PXDNL: variants seen among roughly 807,000 people sequenced by gnomAD.
PXDNL encodes peroxidasin like.
A neutral mutation model predicts 150.8 loss-of-function variants in PXDNL; 145 were observed. The observed-to-expected ratio is 0.96, with a 90% CI of 0.84 to 1.10. PXDNL has a LOEUF of 1.10. PXDNL is among the 50% of genes least tolerant of loss of function. The probability of loss-of-function intolerance (pLI) is 0.00; values close to 1 mark genes in which losing one functional copy is unlikely to be tolerated. For missense variants in PXDNL, 2,087 were observed against 1,873.9 expected, an observed-to-expected ratio of 1.11 and a Z score of -2.10; for synonymous variants, 757 against 725.7, an observed-to-expected ratio of 1.04 and a Z score of -0.69.
intron 4 of PXDNL, among the ~76,000 whole-genome samples, chr8:51,529,694 C>T (rs1390337799): frequency 6.6e-6 from 1 of 152,182 alleles, no homozygotes; most frequent in African/African-American, 2.4e-5. Context: ...CTACTGTGAA[C>T]TCCAGATGCA....
intron 1 of PXDNL, among the ~76,000 whole-genome samples, chr8:51,688,503 A>G (rs748535145): frequency 9.9e-5 from 15 of 152,192 alleles, no homozygotes; most frequent in Non-Finnish European, 1.6e-4. Context: ...AAGTTGAACA[A>G]ACACAATTTG....
intron 3 of PXDNL, among the ~76,000 whole-genome samples, chr8:51,578,503 T>C (rs919913200): frequency 1.1e-4 from 17 of 151,982 alleles, no homozygotes. Flanking sequence ...GAGACTTACC[T>C]TGTTCATGAA....
chr8:51,704,462 T>C (rs1816321663), intron 1 of PXDNL, among the ~76,000 whole-genome samples: 1 of 152,232 alleles, frequency 6.6e-6, no homozygotes, highest in African/African-American at 2.4e-5. Context: ...TATTTCCTAG[T>C]GTCTGTGTGC....
intron 3 of PXDNL, among the ~76,000 whole-genome samples, chr8:51,566,502 C>T (rs1188483602): frequency 2.0e-5 from 3 of 151,588 alleles, no homozygotes; most frequent in Admixed American, 6.6e-5. Context: ...TCTCTTTCTT[C>T]TTGTGTGGTT....
intron 19 of PXDNL, among the ~76,000 whole-genome samples, chr8:51,365,884 C>T (rs1349392316): frequency 6.6e-6 from 1 of 152,126 alleles, no homozygotes. Context: ...ACAAACCAGA[C>T]AAAAGCAAAA....
chr8:51,553,404 C>T (rs912481399), intron 4 of PXDNL, among the ~76,000 whole-genome samples: 10 of 152,208 alleles, frequency 6.6e-5, no homozygotes, highest in Non-Finnish European at 1.5e-4. Flanking sequence ...CCAAAACATC[C>T]TTTGAAATCT....
At chr8:51,418,135 T>C (rs1042593306) in intron 14 of PXDNL, among the ~76,000 whole-genome samples, 2 of 152,208 alleles carry the variant, frequency 1.3e-5, no homozygotes, top group African/African-American at 4.8e-5. Flanking sequence ...GGATGAGAAA[T>C]GTGTTACCTT....
At chr8:51,456,934 C>T (rs1809949860) in intron 9 of PXDNL, among the ~76,000 whole-genome samples, 1 of 152,206 alleles carries the variant, frequency 6.6e-6, no homozygotes, top group South Asian at 2.1e-4. Flanking sequence ...TTATGGCTAT[C>T]ATCTAATAGA....
rs879849538 is a variant in PXDNL, at chr8:51,739,710, TA to T, written c.164+69470del. 2.7e-3 allele frequency among the ~76,000 whole-genome samples: 412 copies of T among 150,058 alleles called. 3 individuals carry two copies. Among genetic ancestry groups the T allele is most frequent in the Admixed American group, 0.021 (315 of 15,022 alleles). ...TAACACAGTGAAGCCCCGTTTCTAC[TA>T]AAAAAAAATAAAAAATTAGCTGGGC... On this transcript the variant is annotated intron_variant, in intron 1 of 22. Transcript: ENST00000356297.
chr8:51,560,868 T>A (rs1812702518), intron 3 of PXDNL, among the ~76,000 whole-genome samples: 1 of 151,746 alleles, frequency 6.6e-6, no homozygotes, highest in Admixed American at 6.6e-5. Flanking sequence ...ACGAAAATAT[T>A]TGCAAATCAT....
chr8:51,466,602 T>C (rs964728853), intron 8 of PXDNL, among the ~76,000 whole-genome samples: 6 of 151,984 alleles, frequency 3.9e-5, no homozygotes, highest in East Asian at 3.9e-4. Flanking sequence ...ACAGAATAAA[T>C]AGACAACTTA....
At chr8:51,570,977 C>A (rs1284067909) in intron 3 of PXDNL, among the ~76,000 whole-genome samples, 1 of 151,680 alleles carries the variant, frequency 6.6e-6, no homozygotes, top group Admixed American at 6.6e-5. Flanking sequence ...CTCCTATATC[C>A]TAAAACTATG....
At chr8:51,538,310 G>T (rs1025699728) in intron 4 of PXDNL, among the ~76,000 whole-genome samples, 1 of 151,898 alleles carries the variant, frequency 6.6e-6, no homozygotes, top group African/African-American at 2.4e-5. Flanking sequence ...TCATTTGTCT[G>T]TACATTTATA....
At chr8:51,678,634 G>A (rs562327027) in intron 1 of PXDNL, among the ~76,000 whole-genome samples, 3 of 148,964 alleles carry the variant, frequency 2.0e-5, no homozygotes, top group Non-Finnish European at 3.0e-5. Context: ...ACCAAACACC[G>A]CATATTCTCA....
intron 4 of PXDNL, among the ~76,000 whole-genome samples, chr8:51,502,712 T>G (rs1811212639): frequency 6.6e-6 from 1 of 152,132 alleles, no homozygotes; most frequent in Non-Finnish European, 1.5e-5. Context: ...AACAATTTAT[T>G]ATAAAGAAAA....
intron 4 of PXDNL, among the ~76,000 whole-genome samples, chr8:51,503,751 T>C (rs779642351): frequency 7.2e-5 from 11 of 152,254 alleles, no homozygotes; most frequent in Non-Finnish European, 1.5e-4. Flanking sequence ...TGTCATGTCA[T>C]GTTGATTCAT....
intron 2 of PXDNL, among the ~76,000 whole-genome samples, chr8:51,629,733 G>C (rs7839588): frequency 0.091 from 13,788 of 152,120 alleles, 919 homozygotes; most frequent in East Asian, 0.23. Context: ...TTTATCATCA[G>C]AAACCATGCA....
chr8:51,642,785 A>G (rs1192882378), intron 2 of PXDNL, among the ~76,000 whole-genome samples: 1 of 152,234 alleles, frequency 6.6e-6, no homozygotes. Flanking sequence ...CTGTATATTT[A>G]GAAAACCCCA....
chr8:51,595,776 A>C (rs1039335400), intron 2 of PXDNL, among the ~76,000 whole-genome samples: 1 of 152,308 alleles, frequency 6.6e-6, no homozygotes, highest in Non-Finnish European at 1.5e-5. Flanking sequence ...GCCACAGAAA[A>C]ATATTTATGT....
Sources: gnomAD v4.1 joint callset for allele counts (sites outside exome capture counted in the v4.1 genomes callset) on GRCh38, gnomAD v4.1.1 for gene constraint, MANE v1.5 for transcripts, NCBI Gene and HGNC (gene_info 2026-07-23, HGNC 2026-07-21) for gene names.